UNC13C: variants seen among roughly 807,000 people sequenced by gnomAD.
UNC13C encodes protein unc-13 homolog C.
In UNC13C, 174 loss-of-function variants were observed where a neutral mutation model predicts 245.4. The observed-to-expected ratio is 0.71, with a 90% confidence interval of 0.63 to 0.80. UNC13C has a LOEUF of 0.80. Ranked by LOEUF, UNC13C falls within the 30% of genes least tolerant of loss-of-function variation. UNC13C has a pLI of 0.00. For synonymous variants in UNC13C, 992 were observed against 895.1 expected, an observed-to-expected ratio of 1.11 and a Z score of -1.93; for missense variants, 2,829 against 2,602.9, an observed-to-expected ratio of 1.09 and a Z score of -1.89.
At chr15:53,849,640 A>T in the UNC13C span, among the ~76,000 whole-genome samples, 1 of 151,654 alleles carries the variant, frequency 6.6e-6, no homozygotes. Flanking sequence ...ATTTCTTCTT[A>T]TTGCATGTTT....
intron 18 of UNC13C, among the ~76,000 whole-genome samples, chr15:54,406,050 T>C (rs1306402692): frequency 6.6e-6 from 1 of 152,118 alleles, no homozygotes; most frequent in Non-Finnish European, 1.5e-5. Flanking sequence ...CTGTAGTCAC[T>C]ATAACAAGAT....
At chr15:54,253,211 A>G (rs2036197772) in intron 8 of UNC13C, among the ~76,000 whole-genome samples, 2 of 152,240 alleles carry the variant, frequency 1.3e-5, no homozygotes. Flanking sequence ...TTTCCTTACC[A>G]TGAAGTCTTG....
At chr15:54,475,293 ATTATTATTATTATTATTAT>A (rs1444259612) in intron 19 of UNC13C, among the ~76,000 whole-genome samples, 1 of 41,558 alleles carries the variant, frequency 2.4e-5, no homozygotes, top group Non-Finnish European at 4.9e-5. Flanking sequence ...TATTATTATT[ATTATTATTATTATTATTAT>A]TATTATTATT....
chr15:54,361,203 G>A (rs1014842781), intron 17 of UNC13C, among the ~76,000 whole-genome samples: 1 of 151,680 alleles, frequency 6.6e-6, no homozygotes, highest in African/African-American at 2.4e-5. Context: ...CTCTCTTCAA[G>A]CTTGTTAATT....
the UNC13C span, among the ~76,000 whole-genome samples, chr15:53,857,734 G>T: frequency 6.6e-6 from 1 of 152,118 alleles, no homozygotes; most frequent in African/African-American, 2.4e-5. Context: ...GCAGAGAAAA[G>T]ATTCCATTTC....
chr15:54,146,474 T>G (rs913593544), intron 4 of UNC13C, among the ~76,000 whole-genome samples: 6 of 152,234 alleles, frequency 3.9e-5, no homozygotes, highest in African/African-American at 1.4e-4. Context: ...TCTGCTTAGC[T>G]CTCTGTACAT....
the UNC13C span, among the ~76,000 whole-genome samples, chr15:53,851,516 C>A: frequency 6.6e-6 from 1 of 151,324 alleles, no homozygotes; most frequent in Non-Finnish European, 1.5e-5. Flanking sequence ...TAAACAGAAT[C>A]TCTCTCTCTC....
chr15:54,088,042 C>G (rs1899341645), intron 2 of UNC13C, among the ~76,000 whole-genome samples: 1 of 151,370 alleles, frequency 6.6e-6, no homozygotes, highest in Non-Finnish European at 1.5e-5. Context: ...CCTATATAGC[C>G]TACAAATCCT....
At chr15:54,186,291 A>C (rs1220484131) in intron 4 of UNC13C, among the ~76,000 whole-genome samples, 2 of 152,196 alleles carry the variant, frequency 1.3e-5, no homozygotes. Flanking sequence ...CCCTGGCCAG[A>C]ACTTCCAACA....
chr15:54,207,197 T>C (rs186574241), intron 4 of UNC13C, among the ~76,000 whole-genome samples: 6 of 152,012 alleles, frequency 3.9e-5, no homozygotes, highest in Non-Finnish European at 7.4e-5. Flanking sequence ...AAAACTCATG[T>C]TGAAATTTGA....
chr15:53,839,638 T>C, the UNC13C span, among the ~76,000 whole-genome samples: 1 of 152,072 alleles, frequency 6.6e-6, no homozygotes, highest in South Asian at 2.1e-4. Context: ...TTTTAACCTG[T>C]TATTTTAGTT....
chr15:54,087,091 T>C (rs1899286839), intron 2 of UNC13C, among the ~76,000 whole-genome samples: 1 of 152,182 alleles, frequency 6.6e-6, no homozygotes, highest in Non-Finnish European at 1.5e-5. Context: ...TTTTCCTGTC[T>C]TCTAGCACTG....
chr15:54,192,754 T>G (rs1168415954), intron 4 of UNC13C, among the ~76,000 whole-genome samples: 2 of 152,144 alleles, frequency 1.3e-5, no homozygotes, highest in Non-Finnish European at 2.9e-5. Flanking sequence ...ACTACTCGGC[T>G]TCCCACTGGG....
intron 19 of UNC13C, among the ~76,000 whole-genome samples, chr15:54,458,873 T>C (rs973251368): frequency 2.6e-5 from 4 of 151,982 alleles, no homozygotes; most frequent in African/African-American, 7.2e-5. Flanking sequence ...ATCTTTTTAG[T>C]GGAGCATTTA....
chr15:54,375,524 G>A (rs1469595292), intron 17 of UNC13C, among the ~76,000 whole-genome samples: 3 of 152,182 alleles, frequency 2.0e-5, no homozygotes, highest in Non-Finnish European at 4.4e-5. Context: ...TATGTTAAAG[G>A]TAAAGGATTT....
In UNC13C at chr15:54,264,298, T is replaced by G; in HGVS notation, c.3579T>G (p.Phe1193Leu). Reference protein sequence around the residue: ...PEVFEVIQEMFQISKEDFVQF... With the variant: ...PEVFEVIQEMLQISKEDFVQF... ...TATTTGAAGTAATCCAGGAAATGTT[T>G]CAGATTTCTAAAGAAGATTTTGTGC... The change falls in exon 9 of 33, where the codon TTT (phenylalanine) becomes TTG (leucine). Residue 1193 changes from phenylalanine (F) to leucine (L), a missense_variant. Phe to Leu is a conservative substitution (Grantham distance 22, BLOSUM62 0). Coordinates refer to ENST00000260323, the MANE Select transcript of UNC13C (RefSeq NM_001080534.3). 6.2e-7 allele frequency: 1 copy of G among 1,602,858 alleles called. No individual in the cohort carries two copies.
intron 2 of UNC13C, among the ~76,000 whole-genome samples, chr15:54,100,876 C>T (rs1900128270): frequency 6.6e-6 from 1 of 151,874 alleles, no homozygotes; most frequent in African/African-American, 2.4e-5. Flanking sequence ...CTTCTCACTC[C>T]CCAGCCCATT....
chr15:54,473,182 G>A (rs11071078), intron 19 of UNC13C, among the ~76,000 whole-genome samples: 45,186 of 151,522 alleles, frequency 0.3, 7,304 homozygotes, highest in East Asian at 0.5. Context: ...TTAGATGTTT[G>A]TTGGAGATTA....
the UNC13C span, among the ~76,000 whole-genome samples, chr15:53,971,132 T>C: frequency 3.9e-5 from 6 of 152,182 alleles, no homozygotes. Context: ...TTTCATATTC[T>C]CATTGGGCAT....
Sources: gnomAD v4.1 joint callset for allele counts (sites outside exome capture counted in the v4.1 genomes callset) on GRCh38, gnomAD v4.1.1 for gene constraint, MANE v1.5 for transcripts, NCBI Gene and HGNC (gene_info 2026-07-23, HGNC 2026-07-21) for gene names.